The following SPEF2 variants were observed in gnomAD, a reference collection of about 807,000 sequenced individuals.
SPEF2 encodes the protein sperm flagella and cilia-associated protein 2.
SPEF2 carries 187 observed loss-of-function variants against 224.6 expected under a neutral mutation model. That is an observed-to-expected ratio of 0.83 (90% confidence interval 0.74 to 0.94). The LOEUF (loss-of-function observed/expected upper bound fraction) is 0.94, where lower values mean the gene tolerates loss of function less well. Among genes scored for constraint, SPEF2 ranks in the 40% least tolerant of loss-of-function variants. The probability of loss-of-function intolerance (pLI) is 0.00; values close to 1 mark genes in which losing one functional copy is unlikely to be tolerated. For missense variants in SPEF2, 2,170 were observed against 2,135.6 expected (o/e 1.02, Z -0.32); for synonymous variants, 715 against 707.3 (o/e 1.01, Z -0.17).
chr5:35,784,830 T>C (rs1205358663), intron 30 of SPEF2, among the ~76,000 whole-genome samples: 1 of 151,710 alleles, frequency 6.6e-6, no homozygotes, highest in Admixed American at 6.6e-5. Flanking sequence ...TCATGGAGAA[T>C]GGATTGGAGC....
At position 35,654,649 on chromosome 5, in the gene SPEF2, G is replaced by T. The variant is rs1484204580; in HGVS notation, c.901G>T (p.Ala301Ser). ...AATCCAGAAGCGCCTTGAAGAAGAT[G>T]CTTTTGCACGAGAGCAAAGGGAGAA... ...KKIQKRLEEDAFAREQREKRR... is the reference protein window; with the variant it reads ...KKIQKRLEEDSFAREQREKRR... The change falls in exon 7 of 37, where the codon GCT becomes TCT. Residue 301 changes from alanine (A) to serine (S), a missense_variant. By Grantham distance (99) the Ala-to-Ser change is moderately conservative. Coordinates refer to ENST00000356031, the MANE Select transcript of SPEF2 (RefSeq NM_024867.4). The T allele has an allele frequency of 6.2e-7, 1 of 1,613,912 alleles. No individual in the cohort carries two copies. The highest frequency in any genetic ancestry group is 2.2e-5 in the East Asian group (1 of 44,850).
chr5:35,726,989 C>CG (rs1561268251), intron 20 of SPEF2, among the ~76,000 whole-genome samples: 33 of 82,080 alleles, frequency 4.0e-4, no homozygotes, highest in African/African-American at 1.3e-3. Context: ...AGCACCCCCC[C>CG]CCTTTCCTCC....
intron 36 of SPEF2, among the ~76,000 whole-genome samples, chr5:35,811,322 ATGT>A (rs1377634116): frequency 6.6e-6 from 1 of 152,204 alleles, no homozygotes; most frequent in Non-Finnish European, 1.5e-5. Context: ...TCAGGTTAAA[ATGT>A]TGTTTGCTAT....
At position 35,807,140 on chromosome 5, in the gene SPEF2, A is replaced by G; in HGVS notation, c.5266A>G (p.Lys1756Glu). 1 of 1,611,596 alleles carries G rather than the reference A, an allele frequency of 6.2e-7. No individual in the cohort carries two copies. Among genetic ancestry groups the G allele is most frequent in the Non-Finnish European group, 8.5e-7 (1 of 1,179,494 alleles). ...TTTTTCTTCCTTAAAGGGCTTCATA[A>G]AAACATTTCAAGACCTAGGTGCCAA... is the stretch of plus-strand genomic sequence containing the variant. ...IENIYAEGFI[K>E]TFQDLGAKNL... The change falls in exon 36 of 37, where the codon AAA becomes GAA. Residue 1756 changes from lysine (K) to glutamate (E), a missense_variant. Lys to Glu is a moderately conservative substitution (Grantham distance 56, BLOSUM62 1). Coordinates refer to ENST00000356031, the MANE Select transcript of SPEF2 (RefSeq NM_024867.4).
intron 21 of SPEF2, among the ~76,000 whole-genome samples, chr5:35,738,568 G>A (rs1052326572): frequency 1.6e-4 from 23 of 147,874 alleles, no homozygotes; most frequent in Admixed American, 1.1e-3. Context: ...AACAAGTTTT[G>A]ACAAACTTGT....
intron 2 of SPEF2, among the ~76,000 whole-genome samples, chr5:35,634,789 G>A (rs191267457): frequency 1.3e-3 from 194 of 151,992 alleles, no homozygotes; most frequent in African/African-American, 4.4e-3. Flanking sequence ...CCTATTGCTA[G>A]CATCTTACAT....
intron 33 of SPEF2, 25 bp downstream of exon 33, chr5:35,795,820 T>C (rs369768623): frequency 6.4e-7 from 1 of 1,559,814 alleles, no homozygotes; most frequent in African/African-American, 1.4e-5. Flanking sequence ...CTTTAAAACA[T>C]GTGGCATTAT....
intron 5 of SPEF2, among the ~76,000 whole-genome samples, chr5:35,648,574 C>T (rs1029662184): frequency 6.6e-6 from 1 of 151,956 alleles, no homozygotes; most frequent in Non-Finnish European, 1.5e-5. Context: ...AAACCACTGG[C>T]CTTGACCTCC....
chr5:35,785,412 T>C (rs1000540688), intron 30 of SPEF2, among the ~76,000 whole-genome samples: 2 of 152,184 alleles, frequency 1.3e-5, no homozygotes, highest in African/African-American at 2.4e-5. Context: ...ATACTCAGAA[T>C]TCAAGGTAAT....
Position 35,792,498 on chromosome 5 carries a change from C to A in SPEF2, c.4554+52C>A. The A allele has an allele frequency of 2.8e-6, 4 of 1,422,460 alleles. No individual in the cohort carries two copies. In the South Asian group the frequency reaches 3.6e-5, roughly 13 times the overall value. 88.1% of individuals were successfully genotyped at this position (1,422,460 alleles called of 1,614,324 possible). A position where few individuals can be genotyped will look rare whatever the true frequency, so the allele number is the denominator to read the frequency against. On this transcript the variant is annotated intron_variant, in intron 31 of 36. Coordinates refer to ENST00000356031, the MANE Select transcript of SPEF2 (RefSeq NM_024867.4). ...AAAGCTTTAAGCATTCTTATTTGAT[C>A]AATGCATCAATAGTTCTAAAATAAT... is the stretch of plus-strand genomic sequence containing the variant.
At chr5:35,787,795 G>T in intron 30 of SPEF2, 1 of 545,648 alleles carries the variant, frequency 1.8e-6, no homozygotes, top group Non-Finnish European at 3.2e-6. Flanking sequence ...AAATGTAGGG[G>T]TCAGAGATTA....
chr5:35,716,594 A>G (rs1189002263), intron 20 of SPEF2, among the ~76,000 whole-genome samples: 3 of 152,166 alleles, frequency 2.0e-5, no homozygotes, highest in African/African-American at 7.2e-5. Context: ...AACTACAAAG[A>G]CTTCCAAATA....
At chr5:35,759,022 A>AAAAAAAAAT (rs1750845373) in intron 24 of SPEF2, among the ~76,000 whole-genome samples, 1 of 150,642 alleles carries the variant, frequency 6.6e-6, no homozygotes. Context: ...AAAAAAAAAA[A>AAAAAAAAAT]AAAAAGTAAA....
chr5:35,799,914 C>G (rs888060085), intron 33 of SPEF2, 54 bp from the exon 34 acceptor site: 2 of 1,588,628 alleles, frequency 1.3e-6, no homozygotes, highest in South Asian at 1.1e-5. Context: ...GCATGACTAA[C>G]TACTGACTAT....
At chr5:35,628,612 G>A (rs755258865) in intron 2 of SPEF2, 50 bp downstream of exon 2, 2 of 1,356,828 alleles carry the variant, frequency 1.5e-6, no homozygotes, top group South Asian at 1.2e-5. Flanking sequence ...TTTGTTTTGA[G>A]ACAAGGTCTT....
intron 15 of SPEF2, chr5:35,699,289 C>T (rs1374211893): frequency 6.6e-6 from 1 of 152,058 alleles, no homozygotes; most frequent in East Asian, 1.9e-4. Flanking sequence ...ACCTTTTAAT[C>T]CAAAGGCCAA....
chr5:35,636,435 G>T (rs1013392034), intron 2 of SPEF2, among the ~76,000 whole-genome samples: 1 of 152,098 alleles, frequency 6.6e-6, no homozygotes, highest in African/African-American at 2.4e-5. Context: ...TCCTACACAT[G>T]CATATGGCCT....
In SPEF2 at chr5:35,807,247, G is replaced by C; in HGVS notation, c.5373G>C (p.Lys1791Asn). The C allele has an allele frequency of 6.2e-7, 1 of 1,611,760 alleles. No homozygotes were observed. Among genetic ancestry groups the C allele is most frequent in the Non-Finnish European group, 8.5e-7 (1 of 1,179,502 alleles). ...TGATTTCAAATTATTCAGACTATAA[G>C]TTTCCTGTGAGTATTACCCCAAAGT... ...QDLISNYSDY[K>N]FPDIKIILQR... The change falls in exon 36 of 37, where the codon AAG (lysine) becomes AAC (asparagine). Residue 1791 changes from lysine to asparagine, a missense_variant. Coordinates refer to ENST00000356031, the MANE Select transcript of SPEF2 (RefSeq NM_024867.4).
chr5:35,618,676 A>T (rs529828924), intron 1 of SPEF2, among the ~76,000 whole-genome samples: 1 of 152,246 alleles, frequency 6.6e-6, no homozygotes, highest in East Asian at 1.9e-4. Flanking sequence ...CCCAAATCAC[A>T]AACTAGCTAT....
Sources: allele counts gnomAD v4.1 joint callset (sites outside exome capture counted in the v4.1 genomes callset), GRCh38; gene constraint gnomAD v4.1.1; transcripts MANE v1.5; gene names NCBI Gene and HGNC (gene_info 2026-07-23, HGNC 2026-07-21).